Variants in NRXN1 observed in about 807,000 individuals in gnomAD.
The protein encoded by NRXN1 is neurexin 1.
NRXN1 carries 39 observed loss-of-function variants against 150.9 expected under a neutral mutation model. The observed-to-expected ratio is 0.26, with a 90% confidence interval of 0.20 to 0.34. NRXN1 has a LOEUF of 0.34. Among genes scored for constraint, NRXN1 ranks in the 10% least tolerant of loss-of-function variants. The pLI is 1.00. For synonymous variants in NRXN1, 924 were observed against 757.0 expected, an observed-to-expected ratio of 1.22 and a Z score of -3.62; for missense variants, 1,815 against 1,949.9, an observed-to-expected ratio of 0.93 and a Z score of 1.30.
At chr2:51,020,200 C>T (rs1669376958) in intron 2 of NRXN1, among the ~76,000 whole-genome samples, 1 of 151,768 alleles carries the variant, frequency 6.6e-6, no homozygotes, top group African/African-American at 2.4e-5. Flanking sequence ...CTAGTCAAGA[C>T]CACTAAAAGG....
At chr2:50,195,477 T>C (rs1448985414) in intron 18 of NRXN1, among the ~76,000 whole-genome samples, 3 of 152,202 alleles carry the variant, frequency 2.0e-5, no homozygotes, top group Non-Finnish European at 4.4e-5. Flanking sequence ...TGTGCATATT[T>C]ATTATAACAC....
intron 19 of NRXN1, among the ~76,000 whole-genome samples, chr2:50,060,776 T>C (rs945330925): frequency 6.6e-6 from 1 of 152,208 alleles, no homozygotes; most frequent in Non-Finnish European, 1.5e-5. Flanking sequence ...CCTGCCACCA[T>C]GTAAGACATG....
At chr2:49,947,475 C>T (rs143220119) in intron 21 of NRXN1, among the ~76,000 whole-genome samples, 538 of 149,882 alleles carry the variant, frequency 3.6e-3, no homozygotes, top group Non-Finnish European at 5.2e-3. Flanking sequence ...CTTTCCTCTT[C>T]CTCTCTTCTC....
chr2:50,182,143 A>C (rs764701240), intron 18 of NRXN1, among the ~76,000 whole-genome samples: 1 of 144,106 alleles, frequency 6.9e-6, no homozygotes, highest in South Asian at 2.2e-4. Flanking sequence ...GATTTTATCA[A>C]AACCATATAG....
chr2:49,921,989 G>A lies in NRXN1; in HGVS notation c.4479C>T (p.Ser1493=), dbSNP rs1398101251. ...CCTTGTTTTTCTTATTTTTGTTGGAGCTTTTCGCACTGCTGGGTTGTTTCT... is the reference window on the plus strand; with the variant it reads ...CCTTGTTTTTCTTATTTTTGTTGGAACTTTTCGCACTGCTGGGTTGTTTCT... ...VKEKQPSSAK[S]SNKNKKNKDK... The change falls in exon 23 of 23, where the codon AGC becomes AGT. Residue 1493 remains serine (S), a synonymous_variant. Coordinates refer to ENST00000401669, the MANE Select transcript of NRXN1 (RefSeq NM_001330078.2). 4.3e-6 allele frequency: 7 copies of A among 1,614,090 alleles called. No homozygotes were observed. The East Asian group carries it at 1.6e-4, about 36-fold the overall frequency.
At chr2:49,963,373 A>G (rs569662216) in intron 21 of NRXN1, among the ~76,000 whole-genome samples, 1 of 152,330 alleles carries the variant, frequency 6.6e-6, no homozygotes, top group South Asian at 2.1e-4. Flanking sequence ...TAGGCAAAGT[A>G]GAAGAAAAGA....
At chr2:50,175,982 A>G (rs147698992) in intron 18 of NRXN1, among the ~76,000 whole-genome samples, 1 of 152,276 alleles carries the variant, frequency 6.6e-6, no homozygotes, top group African/African-American at 2.4e-5. Flanking sequence ...GCAGGGAGGC[A>G]GTCAACAAGC....
chr2:50,132,368 C>A (rs1558943825), intron 18 of NRXN1, among the ~76,000 whole-genome samples: 1 of 148,014 alleles, frequency 6.8e-6, no homozygotes, highest in East Asian at 2.0e-4. Context: ...TGCAGTGGCA[C>A]AATCTTGGCT....
At chr2:50,754,283 C>A (rs957085469) in intron 5 of NRXN1, among the ~76,000 whole-genome samples, 1 of 151,822 alleles carries the variant, frequency 6.6e-6, no homozygotes, top group Non-Finnish European at 1.5e-5. Context: ...GTTCATGATA[C>A]ATATACACAC....
At chr2:50,430,600 T>C (rs557351292) in intron 17 of NRXN1, among the ~76,000 whole-genome samples, 2 of 152,308 alleles carry the variant, frequency 1.3e-5, no homozygotes, top group African/African-American at 4.8e-5. Flanking sequence ...CACAGCCCTG[T>C]ACCAGGCCCC....
At chr2:49,950,323 T>G (rs1673696047) in intron 21 of NRXN1, among the ~76,000 whole-genome samples, 1 of 151,906 alleles carries the variant, frequency 6.6e-6, no homozygotes, top group Admixed American at 6.6e-5. Context: ...TGAAGTTGCC[T>G]CAATTGACAT....
chr2:50,894,400 T>C (rs2103870097), intron 5 of NRXN1, among the ~76,000 whole-genome samples: 1 of 151,680 alleles, frequency 6.6e-6, no homozygotes, highest in African/African-American at 2.4e-5. Context: ...TAATTGTTCT[T>C]CACTTTCAGC....
chr2:51,024,865 T>C (rs550155598), intron 2 of NRXN1, among the ~76,000 whole-genome samples: 1 of 152,266 alleles, frequency 6.6e-6, no homozygotes, highest in Non-Finnish European at 1.5e-5. Context: ...GTGAACTTAT[T>C]TATTTTAAAA....
chr2:50,106,237 A>G (rs1701626846), intron 18 of NRXN1, among the ~76,000 whole-genome samples: 1 of 151,878 alleles, frequency 6.6e-6, no homozygotes, highest in African/African-American at 2.4e-5. Flanking sequence ...CAAGCTTATA[A>G]GCATTGGTCT....
At chr2:50,718,639 G>C (rs10490220) in intron 5 of NRXN1, among the ~76,000 whole-genome samples, 11,221 of 152,186 alleles carry the variant, frequency 0.074, 537 homozygotes, top group Middle Eastern at 0.14. Flanking sequence ...GCAGTATGAG[G>C]AAAATAAGAG....
At chr2:50,528,567 G>T in intron 12 of NRXN1, 58 bp downstream of exon 12, 1 of 972,316 alleles carries the variant, frequency 1.0e-6, no homozygotes, top group South Asian at 1.5e-5. Flanking sequence ...TCTTTTTCTT[G>T]ACTAGCTTAC....
chr2:50,994,706 GATAAT>G (rs1212156604), intron 2 of NRXN1, among the ~76,000 whole-genome samples: 3 of 151,964 alleles, frequency 2.0e-5, no homozygotes. Flanking sequence ...TAAAGTTATA[GATAAT>G]ATAAATTACA....
chr2:50,650,599 C>T (rs1354815654), intron 5 of NRXN1, among the ~76,000 whole-genome samples: 3 of 152,012 alleles, frequency 2.0e-5, no homozygotes, highest in Non-Finnish European at 2.9e-5. Context: ...GAGCTCATTA[C>T]GTGCATGCCT....
At chr2:50,631,503 C>T (rs1332558988) in intron 5 of NRXN1, 1 of 154,194 alleles carries the variant, frequency 6.5e-6, no homozygotes, top group East Asian at 1.9e-4. Context: ...GAATATAATC[C>T]TTGCCCTCTT....
Sources: allele counts gnomAD v4.1 joint callset (sites outside exome capture counted in the v4.1 genomes callset), GRCh38; gene constraint gnomAD v4.1.1; transcripts MANE v1.5; gene names NCBI Gene and HGNC (gene_info 2026-07-23, HGNC 2026-07-21).